Variants in CFAP119 observed in about 807,000 individuals in gnomAD.
CFAP119 encodes cilia- and flagella-associated protein 119.
At chr16:30,760,205 T>G in the CFAP119 span, 1 of 1,610,604 alleles carries the variant, frequency 6.2e-7, no homozygotes, top group Non-Finnish European at 8.5e-7. Flanking sequence ...ATCCCCTGCT[T>G]CTGCTTCCCA....
chr16:30,761,373 C>A, the CFAP119 span: 9 of 1,389,616 alleles, frequency 6.5e-6, no homozygotes, highest in Admixed American at 1.6e-4. Flanking sequence ...CTTCAGCAGG[C>A]CCTAGGTGCT....
At chr16:30,760,204 T>C in the CFAP119 span, 2 of 1,610,452 alleles carry the variant, frequency 1.2e-6, no homozygotes, top group Middle Eastern at 1.6e-4. Context: ...AATCCCCTGC[T>C]TCTGCTTCCC....
chr16:30,760,216 T>C, the CFAP119 span: 1 of 1,612,312 alleles, frequency 6.2e-7, no homozygotes, highest in South Asian at 1.1e-5. Context: ...CTGCTTCCCA[T>C]GGTCACTTGT....
the CFAP119 span, chr16:30,758,810 T>G: frequency 4.7e-6 from 4 of 842,532 alleles, no homozygotes; most frequent in South Asian, 1.8e-5. Flanking sequence ...CTGCCTCAGA[T>G]TGTGCTGGGA....
chr16:30,761,212 G>C, the CFAP119 span: 1 of 1,613,878 alleles, frequency 6.2e-7, no homozygotes, highest in African/African-American at 1.3e-5. Flanking sequence ...TGCAGATCCG[G>C]GGTCGGGGCA....
chr16:30,758,939 C>G, the CFAP119 span: 1 of 1,586,678 alleles, frequency 6.3e-7, no homozygotes, highest in Non-Finnish European at 8.6e-7. Flanking sequence ...GTCTGAAGTC[C>G]TGATGTCATC....
At chr16:30,761,844 G>A in the CFAP119 span, 16 of 1,205,452 alleles carry the variant, frequency 1.3e-5, no homozygotes, top group African/African-American at 3.1e-5. Flanking sequence ...GGCCGGGCCC[G>A]TTCGCCTCGC....
the CFAP119 span, chr16:30,760,703 G>C: frequency 7.1e-6 from 11 of 1,540,566 alleles, no homozygotes; most frequent in Non-Finnish European, 9.7e-6. Flanking sequence ...ATTGGTGGCC[G>C]TTACCTATCA....
chr16:30,759,554 G>A, the CFAP119 span: 1 of 1,614,070 alleles, frequency 6.2e-7, no homozygotes, highest in South Asian at 1.1e-5. Context: ...GAGCCCACTG[G>A]GGTCTTCACA....
chr16:30,759,295 G>A, the CFAP119 span: 1 of 1,613,066 alleles, frequency 6.2e-7, no homozygotes, highest in East Asian at 2.2e-5. Context: ...CCTGTGCTGA[G>A]GGGAGGGGCG....
chr16:30,759,935 G>T, the CFAP119 span: 2 of 1,440,776 alleles, frequency 1.4e-6, no homozygotes, highest in Non-Finnish European at 1.8e-6. Flanking sequence ...ACAAGGTCCT[G>T]CCCTTACGAA....
chr16:30,757,726 G>T, the CFAP119 span: 1 of 1,513,160 alleles, frequency 6.6e-7, no homozygotes, highest in Non-Finnish European at 8.8e-7. Flanking sequence ...GTCCCTAGTT[G>T]GGCAAACAGT....
the CFAP119 span, chr16:30,761,888 G>T: frequency 4.6e-6 from 4 of 860,950 alleles, no homozygotes; most frequent in South Asian, 7.4e-5. Context: ...GGCGCGGCGG[G>T]GCGAATCCGT....
the CFAP119 span, chr16:30,760,565 C>G: frequency 6.3e-7 from 1 of 1,577,976 alleles, no homozygotes; most frequent in Non-Finnish European, 8.6e-7. Context: ...GACCCCTCAG[C>G]CTTTGCCAAG....
chr16:30,760,803 C>A, the CFAP119 span: 3 of 767,386 alleles, frequency 3.9e-6, no homozygotes, highest in Non-Finnish European at 6.7e-6. Flanking sequence ...TGTGACTATG[C>A]AAATCGTTAA....
the CFAP119 span, chr16:30,761,534 C>G: frequency 6.5e-7 from 1 of 1,536,162 alleles, no homozygotes; most frequent in South Asian, 1.2e-5. Flanking sequence ...ACCAGACTGT[C>G]CCGCCCTCAC....
chr16:30,758,495 C>T, the CFAP119 span: 1 of 184,762 alleles, frequency 5.4e-6, no homozygotes, highest in South Asian at 9.6e-5. Flanking sequence ...AGGTTTTAAG[C>T]CACCGTCATT....
chr16:30,760,642 T>C, the CFAP119 span: 8 of 1,555,308 alleles, frequency 5.1e-6, no homozygotes, highest in Non-Finnish European at 7.0e-6. Context: ...CTCCAGCTGG[T>C]GCATGGAATG....
At chr16:30,759,493 C>T in the CFAP119 span, 4 of 1,614,200 alleles carry the variant, frequency 2.5e-6, no homozygotes, top group Admixed American at 3.3e-5. Context: ...ACCCTGACTA[C>T]CTTCCGGAGC....
Sources: allele counts gnomAD v4.1 joint callset, GRCh38; gene constraint gnomAD v4.1.1; transcripts MANE v1.5; gene names NCBI Gene and HGNC (gene_info 2026-07-23, HGNC 2026-07-21).